KDM4C: variants seen among roughly 807,000 people sequenced by gnomAD.
The protein encoded by KDM4C is lysine demethylase 4C.
In KDM4C, 81 loss-of-function variants were observed where a neutral mutation model predicts 129.3. The observed-to-expected ratio is 0.63, with a 90% confidence interval of 0.52 to 0.75. The LOEUF (loss-of-function observed/expected upper bound fraction) is 0.75. Ranked by LOEUF, KDM4C falls within the 30% of genes least tolerant of loss-of-function variation. KDM4C has a pLI of 0.00. For synonymous variants in KDM4C, 573 were observed against 456.1 expected (o/e 1.26, Z -3.26); for missense variants, 1,457 against 1,304.0 (o/e 1.12, Z -1.81).
At chr9:7,088,440 G>A (rs1181013363) in intron 17 of KDM4C, among the ~76,000 whole-genome samples, 2 of 152,126 alleles carry the variant, frequency 1.3e-5, no homozygotes, top group African/African-American at 4.8e-5. Flanking sequence ...CCCACAATCT[G>A]CTTAGGATCA....
chr9:7,015,900 G>A lies in KDM4C; in HGVS notation c.2230G>A (p.Ala744Thr). Residue 744 changes from alanine to threonine, a missense_variant, in exon 15 of 22, where the codon GCC (alanine) becomes ACC (threonine). By Grantham distance (58) the Ala-to-Thr change is moderately conservative. Transcript: ENST00000381309. ...TGAGATCTGTGATGGATGGCTGTGT[G>A]CCCGGTGCAAAAGAAATGCGTGGAC... ...SHEICDGWLCARCKRNAWTAE... is the reference protein window; with the variant it reads ...SHEICDGWLCTRCKRNAWTAE... 3 of 1,612,938 alleles carry A rather than the reference G, an allele frequency of 1.9e-6. No homozygotes were observed. The highest frequency in any genetic ancestry group is 2.5e-6 in the Non-Finnish European group (3 of 1,179,212).
rs1042894578 is a variant in KDM4C, at chr9:6,791,305, G to A, written c.-17-1667G>A. Among the ~76,000 whole-genome samples, 5 of 152,138 alleles carry A rather than the reference G, an allele frequency of 3.3e-5. No individual in the cohort carries two copies. In the South Asian group the frequency reaches 6.2e-4, roughly 19 times the overall value. The stretch of plus-strand genomic sequence containing the variant: ...TTTTTATATTTTTAGTAGAGATGGC[G>A]TTTTACCGTGTTGCCCGGGGTGGTC... On this transcript the variant is annotated intron_variant, in intron 1 of 21. Transcript: ENST00000381309.
chr9:7,047,366 G>GT (rs1435398079), intron 16 of KDM4C, among the ~76,000 whole-genome samples: 1 of 152,020 alleles, frequency 6.6e-6, no homozygotes, highest in East Asian at 1.9e-4. Context: ...TTATGAGAAT[G>GT]TAAGTGTACT....
chr9:6,747,478 G>T (rs1431972212), intron 1 of KDM4C, among the ~76,000 whole-genome samples: 1 of 144,834 alleles, frequency 6.9e-6, no homozygotes, highest in Non-Finnish European at 1.5e-5. Flanking sequence ...AACTCAGGAG[G>T]CAGAGATTGC....
intron 14 of KDM4C, 22 bp downstream of exon 14, chr9:7,014,023 C>A: frequency 6.3e-7 from 1 of 1,578,748 alleles, no homozygotes. Context: ...TATAATTCAT[C>A]AATCACTGGC....
intron 15 of KDM4C, among the ~76,000 whole-genome samples, chr9:7,041,274 T>C (rs1828558483): frequency 6.6e-6 from 1 of 152,064 alleles, no homozygotes; most frequent in Non-Finnish European, 1.5e-5. Flanking sequence ...GTATTATAAG[T>C]AATCTAGAGA....
intron 8 of KDM4C, among the ~76,000 whole-genome samples, chr9:6,934,162 C>A (rs1210584217): frequency 7.2e-6 from 1 of 139,016 alleles, no homozygotes; most frequent in Non-Finnish European, 1.6e-5. Context: ...CCAGGTCTTC[C>A]TGATTGTAAA....
chr9:7,087,420 T>G (rs1835257801), intron 17 of KDM4C, among the ~76,000 whole-genome samples: 1 of 152,184 alleles, frequency 6.6e-6, no homozygotes, highest in South Asian at 2.1e-4. Context: ...ACTTTTTTCT[T>G]TAATAATTAC....
At chr9:7,039,003 T>G (rs1278065058) in intron 15 of KDM4C, among the ~76,000 whole-genome samples, 2 of 152,032 alleles carry the variant, frequency 1.3e-5, no homozygotes, top group East Asian at 3.8e-4. Flanking sequence ...TTATTTTATG[T>G]TAATTATGTT....
At chr9:6,906,089 G>A (rs906032374) in intron 8 of KDM4C, among the ~76,000 whole-genome samples, 16 of 152,088 alleles carry the variant, frequency 1.1e-4, no homozygotes, top group Non-Finnish European at 1.9e-4. Flanking sequence ...GAAACATTTT[G>A]AGGTTGGAAA....
At chr9:7,141,310 C>T (rs1027049634) in intron 19 of KDM4C, among the ~76,000 whole-genome samples, 3 of 152,032 alleles carry the variant, frequency 2.0e-5, no homozygotes, top group Admixed American at 2.0e-4. Flanking sequence ...TGGCTTCAGG[C>T]TGCTAAAATA....
chr9:6,858,937 C>G (rs148697512), intron 5 of KDM4C, among the ~76,000 whole-genome samples: 2,973 of 151,612 alleles, frequency 0.02, 96 homozygotes, highest in African/African-American at 0.069. Flanking sequence ...ATTTGTTATG[C>G]AAAAATTGTT....
intron 1 of KDM4C, among the ~76,000 whole-genome samples, chr9:6,723,017 A>G (rs977528560): frequency 1.3e-5 from 2 of 151,906 alleles, no homozygotes; most frequent in Admixed American, 6.6e-5. Context: ...AAACAAAAAC[A>G]AAAACAACAA....
At chr9:6,797,154 T>A (rs576935049) in intron 2 of KDM4C, among the ~76,000 whole-genome samples, 1 of 152,088 alleles carries the variant, frequency 6.6e-6, no homozygotes, top group East Asian at 1.9e-4. Context: ...TAATTTTTTT[T>A]ATTTTTTGTT....
chr9:7,127,239 G>T (rs1481328542), intron 18 of KDM4C, among the ~76,000 whole-genome samples: 1 of 152,144 alleles, frequency 6.6e-6, no homozygotes, highest in African/African-American at 2.4e-5. Flanking sequence ...AGAGGAACAG[G>T]ACATTTACAT....
At chr9:7,168,909 G>T (rs1419395142) in intron 20 of KDM4C, among the ~76,000 whole-genome samples, 1 of 152,076 alleles carries the variant, frequency 6.6e-6, no homozygotes, top group Non-Finnish European at 1.5e-5. Context: ...GCTGGGCGTT[G>T]TGGCACACAG....
At chr9:7,082,451 G>A (rs531693184) in intron 17 of KDM4C, among the ~76,000 whole-genome samples, 1 of 152,268 alleles carries the variant, frequency 6.6e-6, no homozygotes, top group Non-Finnish European at 1.5e-5. Flanking sequence ...ACCATCACTG[G>A]ATTTTCCAGA....
intron 17 of KDM4C, among the ~76,000 whole-genome samples, chr9:7,098,669 C>T (rs971547343): frequency 1.2e-4 from 19 of 152,194 alleles, no homozygotes; most frequent in Non-Finnish European, 1.9e-4. Context: ...CTTCCCTCCC[C>T]AGCCACTCTT....
intron 5 of KDM4C, among the ~76,000 whole-genome samples, chr9:6,878,647 C>T (rs1465994967): frequency 1.3e-5 from 2 of 152,138 alleles, no homozygotes; most frequent in African/African-American, 2.4e-5. Flanking sequence ...TTAACTTTAC[C>T]AATTTTTCAG....
Sources: allele counts gnomAD v4.1 joint callset (sites outside exome capture counted in the v4.1 genomes callset), GRCh38; gene constraint gnomAD v4.1.1; transcripts MANE v1.5; gene names NCBI Gene and HGNC (gene_info 2026-07-23, HGNC 2026-07-21).